The following ITGB8 variants were observed in gnomAD, a reference collection of about 807,000 sequenced individuals.
The protein encoded by ITGB8 is integrin beta-8.
Under a neutral mutation model 89.5 loss-of-function variants are expected in ITGB8, and 30 were observed. The observed-to-expected ratio is 0.34, with a 90% confidence interval of 0.25 to 0.45. The LOEUF (loss-of-function observed/expected upper bound fraction) is 0.45. Ranked by LOEUF, ITGB8 falls within the 20% of genes least tolerant of loss-of-function variation. The pLI, the probability that ITGB8 is intolerant of heterozygous loss-of-function variation, is 1.00. For missense variants in ITGB8, 836 were observed against 933.3 expected (o/e 0.90, Z 1.36); for synonymous variants, 335 against 320.4 (o/e 1.05, Z -0.49).
chr7:20,401,169 G>A (rs1787293758), intron 9 of ITGB8, among the ~76,000 whole-genome samples: 2 of 152,014 alleles, frequency 1.3e-5, no homozygotes, highest in African/African-American at 2.4e-5. Flanking sequence ...AGTAGAGATA[G>A]GGTTTCACCA....
chr7:20,337,645 G>A (rs1438690672), intron 1 of ITGB8, among the ~76,000 whole-genome samples: 1 of 152,070 alleles, frequency 6.6e-6, no homozygotes, highest in African/African-American at 2.4e-5. Flanking sequence ...ATAAATAATG[G>A]TCCCAGAATT....
intron 1 of ITGB8, among the ~76,000 whole-genome samples, chr7:20,349,120 C>T (rs1199638660): frequency 1.3e-5 from 2 of 151,978 alleles, no homozygotes; most frequent in Non-Finnish European, 2.9e-5. Flanking sequence ...GGAAGATTAT[C>T]TATCCTATAA....
chr7:20,413,905 C>T lies in ITGB8; in HGVS notation c.*3908C>T, dbSNP rs1787848525. On this transcript the variant is annotated 3_prime_UTR_variant, in exon 14 of 14. Transcript: ENST00000222573. Reference sequence around the variant, plus strand: ...TTATTTATATTGACCTCAAGAACTCCATTTTATGCAATGCAGACCACTGAG... The same window carrying T: ...TTATTTATATTGACCTCAAGAACTCTATTTTATGCAATGCAGACCACTGAG... 1 of 151,942 alleles carries T rather than the reference C, an allele frequency of 6.6e-6. No homozygotes were observed. Among genetic ancestry groups the T allele is most frequent in the South Asian group, 2.1e-4 (1 of 4,808 alleles). 9.4% of individuals were successfully genotyped at this position (151,942 alleles called of 1,614,324 possible).
chr7:20,355,230 C>A (rs377502121), intron 1 of ITGB8, among the ~76,000 whole-genome samples: 1 of 152,266 alleles, frequency 6.6e-6, no homozygotes, highest in Non-Finnish European at 1.5e-5. Flanking sequence ...GCCCCAGGCT[C>A]CCAGGTGGGA....
intron 1 of ITGB8, among the ~76,000 whole-genome samples, chr7:20,357,996 C>T (rs143504553): frequency 0.015 from 2,229 of 152,216 alleles, 50 homozygotes; most frequent in African/African-American, 0.05. Context: ...GATGGAGTCT[C>T]GCTCTGTTGC....
chr7:20,350,759 C>G (rs1346984072), intron 1 of ITGB8, among the ~76,000 whole-genome samples: 3 of 152,198 alleles, frequency 2.0e-5, no homozygotes, highest in Non-Finnish European at 4.4e-5. Flanking sequence ...ATTTGGCTTT[C>G]AAGACAGAGC....
At position 20,380,255 on chromosome 7, in the gene ITGB8, T is replaced by TA. The variant is rs144341167; in HGVS notation, c.636-403dup. On this transcript the variant is annotated intron_variant, in intron 4 of 13. Transcript: ENST00000222573. ...ATCACTTTAAAAATTAGTGCAGTAT[T>TA]AAAAAAAACTAATATCATATTTCAA... 176 of 160,080 alleles carry TA rather than the reference T, an allele frequency of 1.1e-3. 2 individuals are homozygous for TA. The highest frequency in any genetic ancestry group is 3.6e-3 in the African/African-American group (151 of 41,572). 9.9% of individuals were successfully genotyped at this position (160,080 alleles called of 1,614,324 possible). A position where few individuals can be genotyped will look rare whatever the true frequency, so the allele number is the denominator to read the frequency against.
chr7:20,337,897 C>T (rs28461288), intron 1 of ITGB8, among the ~76,000 whole-genome samples: 79 of 152,312 alleles, frequency 5.2e-4, no homozygotes, highest in African/African-American at 1.8e-3. Context: ...TTATGGCCTG[C>T]CTTCTGGGGG....
At chr7:20,367,373 C>T (rs1785744149) in intron 3 of ITGB8, among the ~76,000 whole-genome samples, 187 bp downstream of exon 3, 1 of 152,182 alleles carries the variant, frequency 6.6e-6, no homozygotes, top group Non-Finnish European at 1.5e-5. Context: ...TCTTCGGACA[C>T]TGCAAACCTG....
chr7:20,411,508 A>G lies in ITGB8; in HGVS notation c.*1511A>G, dbSNP rs1787761721. 6.6e-6 allele frequency: 1 copy of G among 152,490 alleles called. No individual in the cohort carries two copies. The highest frequency in any genetic ancestry group is 6.6e-5 in the Admixed American group (1 of 15,264). The allele number at this position is 152,490 out of a possible 1,614,324, so 9.4% of individuals were successfully genotyped here. On this transcript the variant is annotated 3_prime_UTR_variant, in exon 14 of 14. Coordinates refer to ENST00000222573, the MANE Select transcript of ITGB8 (RefSeq NM_002214.3). ...AACTGAGCCTCAGAAAACTTAAACG[A>G]TTTCTCAGAAAACACTCAAGTGATA...
intron 7 of ITGB8, among the ~76,000 whole-genome samples, chr7:20,393,298 A>G (rs1310818626): frequency 1.3e-5 from 2 of 152,218 alleles, no homozygotes; most frequent in Admixed American, 1.3e-4. Flanking sequence ...CAGGTTTATT[A>G]TTAACTAAAT....
intron 3 of ITGB8, among the ~76,000 whole-genome samples, chr7:20,376,706 G>A (rs182205758): frequency 7.2e-5 from 11 of 152,240 alleles, no homozygotes; most frequent in Admixed American, 7.2e-4. Context: ...AGCCTAGCTA[G>A]GTCTATTTAC....
At chr7:20,355,734 T>C (rs375423440) in intron 1 of ITGB8, among the ~76,000 whole-genome samples, 3 of 152,324 alleles carry the variant, frequency 2.0e-5, no homozygotes, top group East Asian at 1.9e-4. Flanking sequence ...CACTGTGCTG[T>C]AGGCAAAGGA....
intron 3 of ITGB8, among the ~76,000 whole-genome samples, chr7:20,372,659 A>G (rs1030991428): frequency 6.6e-6 from 1 of 152,138 alleles, no homozygotes; most frequent in African/African-American, 2.4e-5. Flanking sequence ...CATGGGGAGT[A>G]GGAGAGTGAA....
At chr7:20,370,549 C>T (rs7785435) in intron 3 of ITGB8, among the ~76,000 whole-genome samples, 139,537 of 150,396 alleles carry the variant, frequency 0.93, 64,796 homozygotes, top group East Asian at 0.99. Context: ...AGGAATACAT[C>T]ATCTCTGTGG....
chr7:20,401,436 TG>T (rs1411627122), intron 9 of ITGB8, among the ~76,000 whole-genome samples: 10 of 152,282 alleles, frequency 6.6e-5, no homozygotes, highest in African/African-American at 2.4e-4. Context: ...TCATCAGTGA[TG>T]GGGTAGATGC....
intron 6 of ITGB8, among the ~76,000 whole-genome samples, chr7:20,390,260 G>A (rs1786799762): frequency 6.6e-6 from 1 of 152,124 alleles, no homozygotes; most frequent in South Asian, 2.1e-4. Flanking sequence ...CTAATCTTTG[G>A]CTTATGCCAT....
At chr7:20,363,516 A>C (rs1583492338) in intron 1 of ITGB8, 121 bp from the exon 2 acceptor site, 1 of 485,534 alleles carries the variant, frequency 2.1e-6, no homozygotes, top group Non-Finnish European at 3.5e-6. Flanking sequence ...TTTTGTAATA[A>C]AAGGTCCTCT....
At chr7:20,348,679 A>C (rs908147495) in intron 1 of ITGB8, among the ~76,000 whole-genome samples, 3 of 152,172 alleles carry the variant, frequency 2.0e-5, no homozygotes, top group African/African-American at 2.4e-5. Context: ...TGATGAATAC[A>C]TTGCAAATTT....
Sources: gnomAD v4.1 joint callset for allele counts (sites outside exome capture counted in the v4.1 genomes callset) on GRCh38, gnomAD v4.1.1 for gene constraint, MANE v1.5 for transcripts, NCBI Gene and HGNC (gene_info 2026-07-23, HGNC 2026-07-21) for gene names.